The following FAM13A variants were observed in gnomAD, a reference collection of about 807,000 sequenced individuals.
FAM13A encodes the protein family with sequence similarity 13 member A.
In FAM13A, 76 loss-of-function variants were observed where a neutral mutation model predicts 129.6. That is an observed-to-expected ratio of 0.59 (90% confidence interval 0.49 to 0.71). FAM13A has a LOEUF of 0.71. Among genes scored for constraint, FAM13A ranks in the 30% least tolerant of loss-of-function variants. The pLI is 0.00. For missense variants in FAM13A, 1,108 were observed against 1,249.3 expected (o/e 0.89, Z 1.70); for synonymous variants, 443 against 449.9 (o/e 0.98, Z 0.20).
intron 1 of FAM13A, among the ~76,000 whole-genome samples, chr4:89,042,326 T>C (rs1770255925): frequency 6.6e-6 from 1 of 152,190 alleles, no homozygotes; most frequent in Admixed American, 6.5e-5. Flanking sequence ...CACCTTGGAA[T>C]AGCTAGCTAT....
chr4:89,035,718 G>A (rs944195950), intron 1 of FAM13A, among the ~76,000 whole-genome samples: 3 of 152,032 alleles, frequency 2.0e-5, no homozygotes, highest in African/African-American at 4.8e-5. Flanking sequence ...TCACAAGATC[G>A]GGTTGTTTAA....
At chr4:88,747,391 C>T (rs140652812) in intron 18 of FAM13A, among the ~76,000 whole-genome samples, 1 of 152,322 alleles carries the variant, frequency 6.6e-6, no homozygotes, top group African/African-American at 2.4e-5. Flanking sequence ...CAGCTATTAA[C>T]CTAAACAAGT....
At chr4:89,054,682 C>T (rs1273863017) in intron 1 of FAM13A, among the ~76,000 whole-genome samples, 2 of 152,144 alleles carry the variant, frequency 1.3e-5, no homozygotes, top group African/African-American at 2.4e-5. Flanking sequence ...CTGAGAATCT[C>T]ATCAAATAAC....
chr4:88,847,718 A>G (rs1251699468), intron 7 of FAM13A, among the ~76,000 whole-genome samples: 2 of 152,170 alleles, frequency 1.3e-5, no homozygotes, highest in African/African-American at 4.8e-5. Flanking sequence ...GTGGTTCAAG[A>G]GGTCAGGAGA....
At chr4:89,015,351 A>T (rs1766337193) in intron 3 of FAM13A, among the ~76,000 whole-genome samples, 1 of 152,122 alleles carries the variant, frequency 6.6e-6, no homozygotes, top group Non-Finnish European at 1.5e-5. Context: ...CCCCCTTTTG[A>T]AAATCACTAA....
chr4:88,739,621 CA>C (rs5860146), intron 19 of FAM13A, among the ~76,000 whole-genome samples: 3,490 of 112,602 alleles, frequency 0.031, 80 homozygotes, highest in African/African-American at 0.07. Context: ...CTAAAAAATA[CA>C]AAAAAAAAAA....
chr4:88,816,148 A>G (rs1419286454), intron 7 of FAM13A, among the ~76,000 whole-genome samples: 1 of 152,164 alleles, frequency 6.6e-6, no homozygotes, highest in Non-Finnish European at 1.5e-5. Context: ...ATTTCAATGT[A>G]CATATAAAAT....
chr4:88,801,331 T>A (rs935069437), intron 8 of FAM13A, among the ~76,000 whole-genome samples: 2 of 152,242 alleles, frequency 1.3e-5, no homozygotes, highest in African/African-American at 4.8e-5. Context: ...ACAGTAAGTC[T>A]ATCTGCAAAA....
At chr4:88,947,368 C>T (rs1756076385) in intron 4 of FAM13A, among the ~76,000 whole-genome samples, 1 of 152,166 alleles carries the variant, frequency 6.6e-6, no homozygotes, top group Admixed American at 6.5e-5. Context: ...ATGATCGCGC[C>T]ACTGCATTCT....
intron 4 of FAM13A, among the ~76,000 whole-genome samples, chr4:88,966,021 G>A: frequency 6.6e-6 from 1 of 152,134 alleles, no homozygotes; most frequent in East Asian, 1.9e-4. Flanking sequence ...ACACAGGTGT[G>A]CAAATCTCTC....
At chr4:89,023,396 A>C (rs1767530357) in intron 2 of FAM13A, among the ~76,000 whole-genome samples, 1 of 150,194 alleles carries the variant, frequency 6.7e-6, no homozygotes, top group Non-Finnish European at 1.5e-5. Flanking sequence ...TTTTTGGCCT[A>C]GCAAATGCCC....
At chr4:88,987,902 T>C (rs1008344278) in intron 4 of FAM13A, among the ~76,000 whole-genome samples, 1 of 148,656 alleles carries the variant, frequency 6.7e-6, no homozygotes, top group Admixed American at 6.7e-5. Context: ...TAGATTATAG[T>C]AGATTCAGAG....
At chr4:88,961,534 A>C (rs1758620670) in intron 4 of FAM13A, among the ~76,000 whole-genome samples, 1 of 151,512 alleles carries the variant, frequency 6.6e-6, no homozygotes, top group African/African-American at 2.4e-5. Context: ...TGCCCGGCTA[A>C]TTTTTTGTAT....
chr4:88,800,183 C>T (rs1202084973), intron 8 of FAM13A, among the ~76,000 whole-genome samples: 1 of 152,052 alleles, frequency 6.6e-6, no homozygotes, highest in Admixed American at 6.6e-5. Flanking sequence ...TTAGTGAGTA[C>T]AGAATTTCAG....
intron 6 of FAM13A, among the ~76,000 whole-genome samples, chr4:88,862,325 A>G (rs1254206580): frequency 6.6e-6 from 1 of 152,192 alleles, no homozygotes; most frequent in Non-Finnish European, 1.5e-5. Context: ...GTGAGGAGGG[A>G]AGGCTTCCAG....
chr4:88,998,511 TAATC>T (rs1394298859), intron 3 of FAM13A, among the ~76,000 whole-genome samples: 1 of 152,204 alleles, frequency 6.6e-6, no homozygotes, highest in Non-Finnish European at 1.5e-5. Context: ...TTTCCTGAAT[TAATC>T]AATCAATAAA....
chr4:88,871,003 C>T (rs546166146), intron 6 of FAM13A, among the ~76,000 whole-genome samples: 1 of 152,212 alleles, frequency 6.6e-6, no homozygotes, highest in East Asian at 1.9e-4. Context: ...CCTAGGCAAA[C>T]AGGTCTGGAG....
intron 7 of FAM13A, among the ~76,000 whole-genome samples, chr4:88,840,467 T>G (rs1735630878): frequency 6.6e-6 from 1 of 152,018 alleles, no homozygotes; most frequent in African/African-American, 2.4e-5. Context: ...ATGGGGAAAG[T>G]GATGATATAA....
chr4:88,737,722 C>A (rs1324492025), intron 20 of FAM13A, 167 bp from the exon 21 acceptor site: 4 of 642,026 alleles, frequency 6.2e-6, no homozygotes, highest in Middle Eastern at 2.6e-4. Context: ...AGTTCTTTTT[C>A]CAAGTTGCTG....
Sources: allele counts gnomAD v4.1 joint callset (sites outside exome capture counted in the v4.1 genomes callset), GRCh38; gene constraint gnomAD v4.1.1; transcripts MANE v1.5; gene names NCBI Gene and HGNC (gene_info 2026-07-23, HGNC 2026-07-21).